C1orf21: variants seen among roughly 807,000 people sequenced by gnomAD.
C1orf21 encodes the protein uncharacterized protein C1orf21.
A neutral mutation model predicts 18.7 loss-of-function variants in C1orf21; 3 were observed. That is an observed-to-expected ratio of 0.16 (90% CI 0.07 to 0.42). C1orf21 has a LOEUF of 0.42. C1orf21 is among the 10% of genes least tolerant of loss of function. The pLI is 0.99. For synonymous variants in C1orf21, 41 were observed against 46.4 expected (o/e 0.88, Z 0.47); for missense variants, 104 against 143.6 (o/e 0.72, Z 1.41).
At position 184,595,353 on chromosome 1, in the gene C1orf21, C is replaced by T. The variant is rs148029456; in HGVS notation, c.267-3048C>T. Among the ~76,000 whole-genome samples, 1,145 of 152,274 alleles carry T rather than the reference C, an allele frequency of 7.5e-3. 6 individuals are homozygous for T. The highest frequency in any genetic ancestry group is 0.02 in the Middle Eastern group (6 of 294). The stretch of plus-strand genomic sequence containing the variant: ...GTGAGCTTTTCCTCCTCATCTCCCC[C>T]ACTCACAATCATCAAATTGTGCATC... On this transcript the variant is annotated intron_variant, in intron 4 of 5. Transcript: ENST00000235307.
At chr1:184,584,638 T>C (rs1191315865) in intron 3 of C1orf21, among the ~76,000 whole-genome samples, 4 of 152,224 alleles carry the variant, frequency 2.6e-5, no homozygotes, top group Non-Finnish European at 2.9e-5. Flanking sequence ...ACATCGCTAT[T>C]CATAATAACC....
Position 184,621,752 on chromosome 1 carries a change from G to A in C1orf21, c.*2196G>A, listed in dbSNP as rs576428554. 5.9e-5 allele frequency: 9 copies of A among 152,312 alleles called. No individual in the cohort carries two copies. Among genetic ancestry groups the A allele is most frequent in the Non-Finnish European group, 1.2e-4 (8 of 68,032 alleles). 9.4% of individuals were successfully genotyped at this position (152,312 alleles called of 1,614,324 possible). A position where few individuals can be genotyped will look rare whatever the true frequency, so the allele number is the denominator to read the frequency against. ...GTTATACTTGCGCATAGATCCAAGC[G>A]TTTCTTGGGAACCTGACTTTTGAGT... is the stretch of plus-strand genomic sequence containing the variant. On this transcript the variant is annotated 3_prime_UTR_variant, in exon 6 of 6. Transcript: ENST00000235307.
At chr1:184,617,559 G>T (rs1659847451) in intron 5 of C1orf21, among the ~76,000 whole-genome samples, 1 of 152,232 alleles carries the variant, frequency 6.6e-6, no homozygotes, top group African/African-American at 2.4e-5. Context: ...CTGGGCCAAG[G>T]CTAGGGATGG....
chr1:184,418,388 G>GT (rs1329226286), intron 1 of C1orf21, among the ~76,000 whole-genome samples: 1 of 152,016 alleles, frequency 6.6e-6, no homozygotes, highest in East Asian at 1.9e-4. Context: ...TTTTTTGTAT[G>GT]TTTTTTGTAG....
chr1:184,560,230 G>T (rs1658943309), intron 3 of C1orf21, among the ~76,000 whole-genome samples: 1 of 152,096 alleles, frequency 6.6e-6, no homozygotes, highest in Non-Finnish European at 1.5e-5. Context: ...TAAAAAAAAG[G>T]ATATGTTTGC....
At chr1:184,589,803 A>C (rs1489817002) in intron 3 of C1orf21, among the ~76,000 whole-genome samples, 3 of 152,192 alleles carry the variant, frequency 2.0e-5, no homozygotes, top group Non-Finnish European at 4.4e-5. Context: ...CCCAGGAGAA[A>C]TAGGACCTCA....
chr1:184,544,691 A>G (rs1658704145), intron 3 of C1orf21, among the ~76,000 whole-genome samples: 1 of 152,182 alleles, frequency 6.6e-6, no homozygotes, highest in Non-Finnish European at 1.5e-5. Context: ...AAAACAACAA[A>G]TATTTATTAT....
chr1:184,607,381 A>T (rs1043850595), intron 5 of C1orf21, among the ~76,000 whole-genome samples: 1 of 152,140 alleles, frequency 6.6e-6, no homozygotes, highest in Non-Finnish European at 1.5e-5. Context: ...TAAAACATCA[A>T]ATGATTTGTA....
intron 2 of C1orf21, 108 bp downstream of exon 2, chr1:184,477,711 TTACATGCC>T: frequency 1.2e-6 from 1 of 831,896 alleles, no homozygotes; most frequent in Non-Finnish European, 1.9e-6. Context: ...TGATATTTTG[TTACATGCC>T]TAGAATGTGT....
intron 3 of C1orf21, among the ~76,000 whole-genome samples, chr1:184,544,871 G>C (rs1362512048): frequency 6.6e-6 from 1 of 152,174 alleles, no homozygotes; most frequent in Non-Finnish European, 1.5e-5. Context: ...GCTGTTGGGA[G>C]GCCTCAGTTC....
rs1430241614 is a variant in C1orf21 at position 184,625,475 on chromosome 1, C to T, written c.*5919C>T. On this transcript the variant is annotated 3_prime_UTR_variant, in exon 6 of 6. Coordinates refer to ENST00000235307, the MANE Select transcript of C1orf21 (RefSeq NM_030806.4). ...TGCAAATTCATAAAATTACTCTTTT[C>T]CTGGAATAGATCCAGGCAGCTGCCT... 6.6e-6 allele frequency: 1 copy of T among 152,608 alleles called. No homozygotes were observed. The highest frequency in any genetic ancestry group is 1.5e-5 in the Non-Finnish European group (1 of 68,034). 9.5% of individuals were successfully genotyped at this position (152,608 alleles called of 1,614,324 possible).
intron 3 of C1orf21, among the ~76,000 whole-genome samples, chr1:184,583,252 T>C (rs1432019416): frequency 2.6e-5 from 4 of 152,220 alleles, no homozygotes; most frequent in East Asian, 1.9e-4. Flanking sequence ...TGAGTTTGAC[T>C]GTCTTCAGCA....
chr1:184,566,453 T>C (rs1435060002), intron 3 of C1orf21: 7 of 236,446 alleles, frequency 3.0e-5, no homozygotes, highest in Non-Finnish European at 4.1e-5. Flanking sequence ...GCGCGCCATA[T>C]ATATGAACTT....
At chr1:184,598,847 T>G (rs1220683607) in intron 5 of C1orf21, among the ~76,000 whole-genome samples, 2 of 152,220 alleles carry the variant, frequency 1.3e-5, no homozygotes, top group Non-Finnish European at 2.9e-5. Context: ...ATGGCACTGA[T>G]CTGAGTTCTT....
chr1:184,433,589 C>T (rs1656809063), intron 1 of C1orf21, among the ~76,000 whole-genome samples: 2 of 152,178 alleles, frequency 1.3e-5, no homozygotes, highest in South Asian at 4.2e-4. Context: ...GTAAAGCAAG[C>T]CACATATGTA....
chr1:184,439,104 G>A (rs191830873), intron 1 of C1orf21, among the ~76,000 whole-genome samples: 380 of 152,102 alleles, frequency 2.5e-3, no homozygotes, highest in African/African-American at 8.7e-3. Flanking sequence ...CCAGCAACTC[G>A]GGAGGCTGAG....
At chr1:184,478,226 GT>G (rs967189405) in intron 2 of C1orf21, among the ~76,000 whole-genome samples, 12 of 151,028 alleles carry the variant, frequency 7.9e-5, no homozygotes, top group Admixed American at 2.6e-4. Context: ...GGAGTGAGGT[GT>G]TTTTTTTTAA....
At chr1:184,481,697 C>G (rs949594387) in intron 2 of C1orf21, among the ~76,000 whole-genome samples, 9 of 152,128 alleles carry the variant, frequency 5.9e-5, no homozygotes, top group Non-Finnish European at 1.3e-4. Context: ...TTTATTTACT[C>G]CAGCATTCTA....
chr1:184,568,385 C>T (rs1445715684), intron 3 of C1orf21: 2 of 468,318 alleles, frequency 4.3e-6, no homozygotes, highest in Non-Finnish European at 8.8e-6. Flanking sequence ...CCTCCTTCCT[C>T]GCTGTTCCCA....
Sources: allele counts gnomAD v4.1 joint callset (sites outside exome capture counted in the v4.1 genomes callset), GRCh38; gene constraint gnomAD v4.1.1; transcripts MANE v1.5; gene names NCBI Gene and HGNC (gene_info 2026-07-23, HGNC 2026-07-21).